Variants in MON2 observed in about 807,000 individuals in gnomAD.
The protein encoded by MON2 is MON2 regulator of endosome-to-Golgi trafficking.
In MON2, 84 loss-of-function variants were observed where a neutral mutation model predicts 208.6. The observed-to-expected ratio is 0.40, with a 90% CI of 0.34 to 0.48. The LOEUF (loss-of-function observed/expected upper bound fraction) is 0.48, where lower values mean the gene tolerates loss of function less well. Ranked by LOEUF, MON2 falls within the 20% of genes least tolerant of loss-of-function variation. The pLI is 0.59. For missense variants in MON2, 1,611 were observed against 2,015.4 expected (o/e 0.80, Z 3.84); for synonymous variants, 660 against 694.0 (o/e 0.95, Z 0.77).
intron 22 of MON2, among the ~76,000 whole-genome samples, chr12:62,548,004 A>G (rs2073571916): frequency 6.6e-6 from 1 of 152,224 alleles, no homozygotes; most frequent in South Asian, 2.1e-4. Context: ...TTGTTATGCC[A>G]CAAAATAAGA....
In MON2 at chr12:62,498,168, T is replaced by G. The variant is rs1351440494; in HGVS notation, c.436-751T>G. Reference sequence around the variant, plus strand: ...CTTGGTAATAAAAGGTACAAACTACTGATAAACAGAACAAAGTGGATGAAT... The same window carrying G: ...CTTGGTAATAAAAGGTACAAACTACGGATAAACAGAACAAAGTGGATGAAT... On this transcript the variant is annotated intron_variant, in intron 4 of 34. Coordinates refer to ENST00000393630, the MANE Select transcript of MON2 (RefSeq NM_015026.3). Among the ~76,000 whole-genome samples, 14 of 152,182 alleles carry G rather than the reference T, an allele frequency of 9.2e-5. 1 individual carries two copies. The South Asian group carries it at 2.9e-3, about 32-fold the overall frequency.
At chr12:62,501,492 T>C in intron 6 of MON2, 81 bp from the exon 7 acceptor site, 1 of 1,513,248 alleles carries the variant, frequency 6.6e-7, no homozygotes, top group Non-Finnish European at 9.0e-7. Context: ...AAGATAGATT[T>C]TTTTTAAAGA....
intron 32 of MON2, 25 bp from the exon 33 acceptor site, chr12:62,585,269 C>A: frequency 6.5e-7 from 1 of 1,537,416 alleles, no homozygotes; most frequent in Non-Finnish European, 9.0e-7. Context: ...CTTCTATTAA[C>A]CATCAAAATT....
At chr12:62,550,185 A>G (rs1334441740) in intron 23 of MON2, among the ~76,000 whole-genome samples, 1 of 152,202 alleles carries the variant, frequency 6.6e-6, no homozygotes, top group Non-Finnish European at 1.5e-5. Flanking sequence ...GAAGCCAAGC[A>G]TTGACTTTTT....
rs1470015232 is a variant in MON2 at position 62,599,660 on chromosome 12, A to C, written c.*6911A>C. On this transcript the variant is annotated 3_prime_UTR_variant, in exon 35 of 35. Coordinates refer to ENST00000393630, the MANE Select transcript of MON2 (RefSeq NM_015026.3). ...ATTAGGGGGTTGAAGTGAGCTGCCT[A>C]GAGTCACATACCTAAAGTCCAGGTG... 1 of 152,186 alleles carries C rather than the reference A, an allele frequency of 6.6e-6. No homozygotes were observed. The highest frequency in any genetic ancestry group is 1.5e-5 in the Non-Finnish European group (1 of 68,032). The allele number at this position is 152,186 out of a possible 1,614,324, so 9.4% of individuals were successfully genotyped here. A position where few individuals can be genotyped will look rare whatever the true frequency, so the allele number is the denominator to read the frequency against.
chr12:62,585,395 G>T lies in MON2; in HGVS notation c.4801G>T (p.Gly1601Cys). 1 of 1,613,656 alleles carries T rather than the reference G, an allele frequency of 6.2e-7. No individual in the cohort carries two copies. The highest frequency in any genetic ancestry group is 8.5e-7 in the Non-Finnish European group (1 of 1,179,660). The change falls in exon 33 of 35, where the codon GGC becomes TGC. Residue 1601 changes from glycine (G) to cysteine (C), a missense_variant. By Grantham distance (159) the Gly-to-Cys change is radical (BLOSUM62 -3). Transcript: ENST00000393630. ...FSNKVTTPQEGYISRMALSVL... is the reference protein window; with the variant it reads ...FSNKVTTPQECYISRMALSVL... ...TAATAAAGTCACAACACCTCAAGAAGGCTACATCTCACGAATGGCACTCTC... is the reference window on the plus strand; with the variant it reads ...TAATAAAGTCACAACACCTCAAGAATGCTACATCTCACGAATGGCACTCTC...
At chr12:62,540,805 A>G (rs544068233) in intron 19 of MON2, among the ~76,000 whole-genome samples, 22 of 152,364 alleles carry the variant, frequency 1.4e-4, no homozygotes, top group African/African-American at 5.3e-4. Context: ...AAAGTATTCA[A>G]CATAAACCTT....
At chr12:62,491,345 A>G (rs917459645) in intron 2 of MON2, among the ~76,000 whole-genome samples, 1 of 152,182 alleles carries the variant, frequency 6.6e-6, no homozygotes, top group African/African-American at 2.4e-5. Flanking sequence ...TTGTGAAGAA[A>G]AATTCTAAGT....
rs34466096 is a variant in MON2 at position 62,541,374 on chromosome 12, CAA to C, written c.2365-1706_2365-1705del. On this transcript the variant is annotated intron_variant, in intron 19 of 34. Coordinates refer to ENST00000393630, the MANE Select transcript of MON2 (RefSeq NM_015026.3). ...TGGGCAACAGAGTGAAACTCTGTCT[CAA>C]AAAAAAAAAAAAAAAAGATAAAGCT... Among the ~76,000 whole-genome samples, 281 of 108,758 alleles carry C rather than the reference CAA, an allele frequency of 2.6e-3. No homozygotes were observed. In the East Asian group the frequency reaches 0.031, roughly 12 times the overall value. 71.3% of individuals were successfully genotyped at this position (108,758 alleles called of 152,430 possible).
intron 20 of MON2, 179 bp from the exon 21 acceptor site, chr12:62,544,719 A>G: frequency 6.7e-7 from 1 of 1,486,264 alleles, no homozygotes; most frequent in Non-Finnish European, 9.0e-7. Context: ...TTTTAGTTTC[A>G]TCTTTTTTCT....
At chr12:62,480,876 G>A (rs1565956818) in intron 1 of MON2, among the ~76,000 whole-genome samples, 1 of 152,150 alleles carries the variant, frequency 6.6e-6, no homozygotes, top group African/African-American at 2.4e-5. Context: ...ACCTATGCAA[G>A]GTATATAGGG....
rs560825714 is a variant in MON2, at chr12:62,572,146, G to C, written c.4514+564G>C. ...TTTGCTGAGGTCCATCTAGAGTTGT[G>C]CTATTCAGTACAGTAGCAATTGCTA... is the stretch of plus-strand genomic sequence containing the variant. On this transcript the variant is annotated intron_variant, in intron 30 of 34. Coordinates refer to ENST00000393630, the MANE Select transcript of MON2 (RefSeq NM_015026.3). Among the ~76,000 whole-genome samples the C allele has an allele frequency of 1.3e-4, 20 of 152,310 alleles. No individual in the cohort carries two copies. The East Asian group carries it at 1.3e-3, about 10-fold the overall frequency.
In MON2 at chr12:62,466,880, C is replaced by G; in HGVS notation, c.-328C>G. On this transcript the variant is annotated 5_prime_UTR_variant, in exon 1 of 35. Transcript: ENST00000393630. ...GGGGCCTGGGGAGCTGGCGCTGAAGCTTCTTGCCAGGTTGGCTGGTGACAC... is the reference window on the plus strand; with the variant it reads ...GGGGCCTGGGGAGCTGGCGCTGAAGGTTCTTGCCAGGTTGGCTGGTGACAC... 1 of 462,066 alleles carries G rather than the reference C, an allele frequency of 2.2e-6. No individual in the cohort carries two copies. The highest frequency in any genetic ancestry group is 3.8e-6 in the Non-Finnish European group (1 of 260,840). The allele number at this position is 462,066 out of a possible 1,614,324, so 28.6% of individuals were successfully genotyped here.
At chr12:62,475,233 T>G (rs1304807304) in intron 1 of MON2, among the ~76,000 whole-genome samples, 1 of 152,078 alleles carries the variant, frequency 6.6e-6, no homozygotes, top group Non-Finnish European at 1.5e-5. Context: ...TCTTTGTTTT[T>G]TTGTTGTTGT....
At chr12:62,560,151 T>G in intron 25 of MON2, 1 of 172,442 alleles carries the variant, frequency 5.8e-6, no homozygotes, top group Non-Finnish European at 1.2e-5. Flanking sequence ...TACAAGTGGT[T>G]ATTGGTTACA....
At chr12:62,571,122 A>ATGAAAAAC (rs1343080044) in intron 29 of MON2, among the ~76,000 whole-genome samples, 4 of 152,176 alleles carry the variant, frequency 2.6e-5, no homozygotes, top group African/African-American at 7.2e-5. Flanking sequence ...ATTATTTATG[A>ATGAAAAAC]TGAAAAACTG....
At chr12:62,583,911 G>A (rs148010382) in intron 32 of MON2, among the ~76,000 whole-genome samples, 2,237 of 144,380 alleles carry the variant, frequency 0.015, 106 homozygotes, top group Admixed American at 0.1. Context: ...AGTAAGCTGA[G>A]ATCATGCCAC....
intron 8 of MON2, 56 bp downstream of exon 8, chr12:62,508,536 TA>T (rs532347079): frequency 4.6e-5 from 70 of 1,523,702 alleles, no homozygotes; most frequent in Admixed American, 4.1e-4. Flanking sequence ...GTGCCCTTTG[TA>T]AAAAGTGGTC....
chr12:62,539,380 C>T (rs1171976569), intron 19 of MON2, among the ~76,000 whole-genome samples: 1 of 151,832 alleles, frequency 6.6e-6, no homozygotes, highest in African/African-American at 2.4e-5. Context: ...TCTCCTGCCT[C>T]AGCCTCCCAA....
Sources: gnomAD v4.1 joint callset for allele counts (sites outside exome capture counted in the v4.1 genomes callset) on GRCh38, gnomAD v4.1.1 for gene constraint, MANE v1.5 for transcripts, NCBI Gene and HGNC (gene_info 2026-07-23, HGNC 2026-07-21) for gene names.